SLC14A2: variants seen among roughly 807,000 people sequenced by gnomAD.
The protein encoded by SLC14A2 is solute carrier family 14 member 2.
Under a neutral mutation model 104.6 loss-of-function variants are expected in SLC14A2, and 91 were observed. The ratio of observed to expected loss-of-function variants is 0.87; its 90% CI spans 0.73 to 1.04. The LOEUF is 1.04. Ranked by LOEUF, SLC14A2 falls within the 50% of genes least tolerant of loss-of-function variation. The pLI is 0.00. For missense variants in SLC14A2, 1,189 were observed against 1,156.0 expected, an observed-to-expected ratio of 1.03 and a Z score of -0.41; for synonymous variants, 476 against 466.4, an observed-to-expected ratio of 1.02 and a Z score of -0.27.
intron 1 of SLC14A2, among the ~76,000 whole-genome samples, chr18:45,348,342 G>A (rs1182744571): frequency 6.6e-6 from 1 of 152,162 alleles, no homozygotes; most frequent in African/African-American, 2.4e-5. Context: ...GAAAACCCTT[G>A]CATATAACTC....
At chr18:45,211,518 T>C (rs1490837844), upstream of SLC14A2, among the ~76,000 whole-genome samples, 1 of 152,228 alleles carries the variant, frequency 6.6e-6, no homozygotes, top group Non-Finnish European at 1.5e-5. Context: ...AATTGTCATG[T>C]TGATCTCTCC....
At chr18:45,576,500 G>A (rs2044421170) in intron 2 of SLC14A2, among the ~76,000 whole-genome samples, 1 of 151,842 alleles carries the variant, frequency 6.6e-6, no homozygotes, top group African/African-American at 2.4e-5. Flanking sequence ...GGCCAGGCTG[G>A]TCTCGAACTC....
chr18:45,214,713 A>G (rs1442887311), intron 1 of SLC14A2, among the ~76,000 whole-genome samples: 2 of 152,076 alleles, frequency 1.3e-5, no homozygotes, highest in African/African-American at 4.8e-5. Flanking sequence ...TGTTTGTTAA[A>G]TGATGATTTG....
intron 1 of SLC14A2, among the ~76,000 whole-genome samples, chr18:45,624,425 G>A (rs1431038220): frequency 1.3e-5 from 2 of 152,198 alleles, no homozygotes; most frequent in African/African-American, 4.8e-5. Flanking sequence ...TCGGCCAAAT[G>A]GACATTCTTC....
chr18:45,575,322 CTCCCTTCT>C (rs2044404406), intron 2 of SLC14A2, among the ~76,000 whole-genome samples: 1 of 152,182 alleles, frequency 6.6e-6, no homozygotes. Context: ...TTATAAGTTT[CTCCCTTCT>C]AGCTGGTGAT....
chr18:45,638,326 C>A (rs956035119), intron 6 of SLC14A2, among the ~76,000 whole-genome samples: 6 of 152,136 alleles, frequency 3.9e-5, no homozygotes, highest in African/African-American at 1.4e-4. Context: ...TATTAAAAGA[C>A]CATTCATTCA....
intron 1 of SLC14A2, among the ~76,000 whole-genome samples, chr18:45,340,633 C>T (rs909583031): frequency 6.6e-6 from 1 of 152,222 alleles, no homozygotes; most frequent in Non-Finnish European, 1.5e-5. Flanking sequence ...TACAATACAA[C>T]TTTCCTGGTC....
intron 2 of SLC14A2, among the ~76,000 whole-genome samples, chr18:45,567,572 A>G (rs2044284455): frequency 6.6e-6 from 1 of 152,178 alleles, no homozygotes; most frequent in Non-Finnish European, 1.5e-5. Context: ...ATTTTAATCT[A>G]TTTCTGAAAA....
chr18:45,331,790 C>T (rs987439336), intron 1 of SLC14A2, among the ~76,000 whole-genome samples: 1 of 152,154 alleles, frequency 6.6e-6, no homozygotes, highest in Non-Finnish European at 1.5e-5. Context: ...CATTCTAGCA[C>T]TCTTGTTCCA....
chr18:45,502,449 C>T (rs1366875173), intron 2 of SLC14A2, among the ~76,000 whole-genome samples: 1 of 152,166 alleles, frequency 6.6e-6, no homozygotes, highest in Non-Finnish European at 1.5e-5. Flanking sequence ...ACTCAACAGA[C>T]CTGGAAGACC....
chr18:45,333,357 G>C (rs2085308026), intron 1 of SLC14A2, among the ~76,000 whole-genome samples: 2 of 152,154 alleles, frequency 1.3e-5, no homozygotes, highest in South Asian at 4.1e-4. Context: ...ATCTGTAGGA[G>C]TTATTATACT....
chr18:45,671,389 G>A (rs1477220038), intron 16 of SLC14A2, among the ~76,000 whole-genome samples: 32 of 152,160 alleles, frequency 2.1e-4, no homozygotes, highest in Middle Eastern at 3.4e-3. Flanking sequence ...CATATGTTTT[G>A]TCTTTTTGAC....
At chr18:45,246,910 G>A (rs1304568147) in intron 1 of SLC14A2, among the ~76,000 whole-genome samples, 1 of 152,038 alleles carries the variant, frequency 6.6e-6, no homozygotes, top group Non-Finnish European at 1.5e-5. Context: ...TTCAGAGGAG[G>A]GGAATAAGAC....
chr18:45,345,313 A>G (rs2085436790), intron 1 of SLC14A2, among the ~76,000 whole-genome samples: 1 of 152,222 alleles, frequency 6.6e-6, no homozygotes, highest in South Asian at 2.1e-4. Flanking sequence ...TACATTATTG[A>G]GAATTTACTT....
chr18:45,259,681 C>T (rs1382024707), intron 1 of SLC14A2, among the ~76,000 whole-genome samples: 1 of 152,078 alleles, frequency 6.6e-6, no homozygotes. Context: ...TGAAGGAGCA[C>T]TGCACTTTAG....
chr18:45,408,178 T>G (rs1297216001), intron 1 of SLC14A2, among the ~76,000 whole-genome samples: 3 of 152,228 alleles, frequency 2.0e-5, no homozygotes, highest in Admixed American at 6.5e-5. Flanking sequence ...TGCTTTGTTC[T>G]TCACTGTTCA....
intron 1 of SLC14A2, among the ~76,000 whole-genome samples, chr18:45,374,472 G>A (rs757430992): frequency 1.3e-5 from 2 of 152,126 alleles, no homozygotes; most frequent in Non-Finnish European, 2.9e-5. Context: ...TCTTCCTGGG[G>A]TTCCAGTTAA....
chr18:45,416,555 C>T (rs552088677), intron 1 of SLC14A2, among the ~76,000 whole-genome samples: 20 of 152,226 alleles, frequency 1.3e-4, no homozygotes, highest in Non-Finnish European at 2.4e-4. Flanking sequence ...AAAAATTCCT[C>T]TTTGGGGAAG....
chr18:45,607,713 C>T (rs1346024885), intron 2 of SLC14A2, among the ~76,000 whole-genome samples: 1 of 152,142 alleles, frequency 6.6e-6, no homozygotes, highest in Admixed American at 6.5e-5. Flanking sequence ...CCAGGAGGAG[C>T]GTAACTGGGT....
Sources: allele counts gnomAD v4.1 joint callset (sites outside exome capture counted in the v4.1 genomes callset), GRCh38; gene constraint gnomAD v4.1.1; transcripts MANE v1.5; gene names NCBI Gene and HGNC (gene_info 2026-07-23, HGNC 2026-07-21).